Variants in ELL2 observed in about 807,000 individuals in gnomAD.
The protein encoded by ELL2 is RNA polymerase II elongation factor ELL2.
Under a neutral mutation model 72.8 loss-of-function variants are expected in ELL2, and 21 were observed. That is an observed-to-expected ratio of 0.29 (90% CI 0.20 to 0.42). The LOEUF is 0.42. Among genes scored for constraint, ELL2 ranks in the 10% least tolerant of loss-of-function variants. The pLI is 1.00. For synonymous variants in ELL2, 266 were observed against 283.2 expected (o/e 0.94, Z 0.61); for missense variants, 568 against 772.8 (o/e 0.73, Z 3.14).
intron 1 of ELL2, among the ~76,000 whole-genome samples, chr5:95,950,904 GTATATATATATATATATATATA>G (rs869036736): frequency 0.045 from 2,099 of 46,632 alleles, 77 homozygotes; most frequent in Non-Finnish European, 0.071. Context: ...GTATGTATGT[GTATATATATATATATATATATA>G]TATATATATA....
rs533555621 is a variant in ELL2 at position 95,929,277 on chromosome 5, G to A, written c.196-9732C>T. Among the ~76,000 whole-genome samples, 392 of 102,818 alleles carry A rather than the reference G, an allele frequency of 3.8e-3. 1 individual carries two copies. The highest frequency in any genetic ancestry group is 5.1e-3 in the Non-Finnish European group (274 of 54,080). 67.5% of individuals were successfully genotyped at this position (102,818 alleles called of 152,430 possible). A position where few individuals can be genotyped will look rare whatever the true frequency, so the allele number is the denominator to read the frequency against. On this transcript the variant is annotated intron_variant, in intron 2 of 11. Coordinates refer to ENST00000237853, the MANE Select transcript of ELL2 (RefSeq NM_012081.6). Reference sequence around the variant, plus strand: ...GTCTTCCTCATTTTTTTTTTTTTTTGAGACAGAGTCTCGCTCTGTCGCCCA... The same window carrying A: ...GTCTTCCTCATTTTTTTTTTTTTTTAAGACAGAGTCTCGCTCTGTCGCCCA...
intron 1 of ELL2, among the ~76,000 whole-genome samples, chr5:95,945,144 T>A (rs17085333): frequency 0.28 from 42,355 of 152,016 alleles, 6,773 homozygotes; most frequent in African/African-American, 0.45. Flanking sequence ...ACATTTTGCA[T>A]TAGAAACTCA....
intron 2 of ELL2, among the ~76,000 whole-genome samples, chr5:95,928,356 GGGT>G: frequency 6.6e-6 from 1 of 152,218 alleles, no homozygotes; most frequent in East Asian, 1.9e-4. Context: ...ACCTCCCATT[GGGT>G]TCAGCAACTT....
intron 2 of ELL2, among the ~76,000 whole-genome samples, chr5:95,926,542 A>G (rs560390716): frequency 6.6e-6 from 1 of 152,294 alleles, no homozygotes; most frequent in Admixed American, 6.5e-5. Flanking sequence ...ATTTCCTTCC[A>G]TTGTTCCTCT....
chr5:95,932,365 C>A (rs974696207), intron 2 of ELL2, among the ~76,000 whole-genome samples: 25 of 152,186 alleles, frequency 1.6e-4, no homozygotes, highest in African/African-American at 5.8e-4. Context: ...AAAAAGATTT[C>A]TAAGGATGGT....
intron 4 of ELL2, among the ~76,000 whole-genome samples, chr5:95,909,151 T>C (rs2112294406): frequency 6.6e-6 from 1 of 152,202 alleles, no homozygotes; most frequent in Non-Finnish European, 1.5e-5. Flanking sequence ...ACTTTGCCCT[T>C]AAAAGGGATA....
At chr5:95,910,977 A>G (rs74386840) in intron 4 of ELL2, among the ~76,000 whole-genome samples, 5,498 of 152,344 alleles carry the variant, frequency 0.036, 174 homozygotes, top group Admixed American at 0.074. Context: ...AGAGAGAATA[A>G]TAACATTCTT....
At chr5:95,891,397 C>G (rs1748657428) in intron 9 of ELL2, 123 bp from the exon 10 acceptor site, 1 of 1,024,238 alleles carries the variant, frequency 9.8e-7, no homozygotes, top group Non-Finnish European at 1.4e-6. Flanking sequence ...TAATGCCACT[C>G]TGCCACTGGT....
intron 1 of ELL2, among the ~76,000 whole-genome samples, chr5:95,958,663 G>A (rs1160014739): frequency 4.6e-5 from 7 of 152,088 alleles, no homozygotes; most frequent in African/African-American, 7.2e-5. Context: ...ACCATCCCCC[G>A]CATGCCACTG....
At chr5:95,940,678 A>G (rs899142741) in intron 2 of ELL2, among the ~76,000 whole-genome samples, 1 of 152,234 alleles carries the variant, frequency 6.6e-6, no homozygotes, top group Middle Eastern at 3.2e-3. Flanking sequence ...TCATTAAGGA[A>G]AAGTATCCTT....
chr5:95,903,977 G>A (rs959661888), intron 5 of ELL2, among the ~76,000 whole-genome samples: 1 of 152,062 alleles, frequency 6.6e-6, no homozygotes, highest in Non-Finnish European at 1.5e-5. Context: ...ACACCTAACC[G>A]TTAGCAAGTC....
chr5:95,941,788 C>T (rs956509829), intron 2 of ELL2, among the ~76,000 whole-genome samples: 2 of 152,160 alleles, frequency 1.3e-5, no homozygotes, highest in East Asian at 3.8e-4. Flanking sequence ...GATATTATTG[C>T]TGCCATTAAA....
chr5:95,924,582 G>T (rs1258939078), intron 2 of ELL2, among the ~76,000 whole-genome samples: 5 of 152,128 alleles, frequency 3.3e-5, no homozygotes, highest in African/African-American at 1.2e-4. Flanking sequence ...TTAAAATGCT[G>T]TGATTCCAAA....
chr5:95,894,763 T>G (rs1226096329), intron 9 of ELL2, among the ~76,000 whole-genome samples: 1 of 152,238 alleles, frequency 6.6e-6, no homozygotes, highest in Non-Finnish European at 1.5e-5. Flanking sequence ...ATTTTAAATC[T>G]AAAATGATCT....
At chr5:95,941,885 TA>T (rs1284113797) in intron 2 of ELL2, among the ~76,000 whole-genome samples, 1 of 152,234 alleles carries the variant, frequency 6.6e-6, no homozygotes, top group Non-Finnish European at 1.5e-5. Flanking sequence ...GACTACCTAC[TA>T]AAAAGCTATA....
intron 1 of ELL2, among the ~76,000 whole-genome samples, chr5:95,951,549 G>C (rs890816807): frequency 6.6e-6 from 1 of 151,934 alleles, no homozygotes; most frequent in African/African-American, 2.4e-5. Context: ...GAACTCTAAA[G>C]CAGAAGTATA....
At chr5:95,914,027 A>C (rs1343598227) in intron 3 of ELL2, 93 bp from the exon 4 acceptor site, 3 of 1,221,152 alleles carry the variant, frequency 2.5e-6, no homozygotes, top group Admixed American at 5.9e-5. Flanking sequence ...TCAGCAGCCC[A>C]ACTAAGTTTG....
intron 3 of ELL2, among the ~76,000 whole-genome samples, chr5:95,917,367 A>T (rs1305466057): frequency 1.3e-5 from 2 of 152,208 alleles, no homozygotes; most frequent in Non-Finnish European, 2.9e-5. Context: ...TTACCCTTTT[A>T]TCTCCAGGTT....
chr5:95,958,875 T>G (rs888826263), intron 1 of ELL2, among the ~76,000 whole-genome samples: 2 of 151,902 alleles, frequency 1.3e-5, no homozygotes, highest in Non-Finnish European at 2.9e-5. Context: ...ACAAAGACAT[T>G]GACGACTTTG....
Sources: allele counts gnomAD v4.1 joint callset (sites outside exome capture counted in the v4.1 genomes callset), GRCh38; gene constraint gnomAD v4.1.1; transcripts MANE v1.5; gene names NCBI Gene and HGNC (gene_info 2026-07-23, HGNC 2026-07-21).